CNTNAP5: variants seen among roughly 807,000 people sequenced by gnomAD.
CNTNAP5 encodes contactin associated protein family member 5, also known as contactin-associated protein-like 5.
A neutral mutation model predicts 150.2 loss-of-function variants in CNTNAP5; 72 were observed. The ratio of observed to expected loss-of-function variants is 0.48; its 90% CI spans 0.40 to 0.58. The LOEUF is 0.58. CNTNAP5 is among the 20% of genes least tolerant of loss of function. CNTNAP5 has a pLI of 0.00. For synonymous variants in CNTNAP5, 672 were observed against 619.8 expected (o/e 1.08, Z -1.25); for missense variants, 1,636 against 1,626.2 (o/e 1.01, Z -0.10).
rs1234652271 is a variant in CNTNAP5, at chr2:124,772,942, A to C, written c.2677A>C (p.Asn893His). Residue 893 changes from asparagine (N) to histidine (H), a missense_variant, in exon 17 of 24, where the codon AAC (asparagine) becomes CAC (histidine). By Grantham distance (68) the Asn-to-His change is moderately conservative (BLOSUM62 1). Transcript: ENST00000682447. ...NLKETSLQVD[N>H]LPRSTRETSE... Reference sequence around the variant, plus strand: ...CAAGGAGACCTCCCTGCAGGTGGACAACCTTCCAAGGAGCACCAGGGAGAC... The same window carrying C: ...CAAGGAGACCTCCCTGCAGGTGGACCACCTTCCAAGGAGCACCAGGGAGAC... 5.0e-6 allele frequency: 8 copies of C among 1,613,770 alleles called. No homozygotes were observed. Among genetic ancestry groups the C allele is most frequent in the South Asian group, 1.1e-5 (1 of 91,086 alleles).
Position 124,600,165 on chromosome 2 carries a change from A to T in CNTNAP5, c.1757-9636A>T, listed in dbSNP as rs1032987665. Reference sequence around the variant, plus strand: ...TGTGTGTTTAACTTTGTTTCCTTACACTCCTCATGAAGAATAGTAAATGGT... The same window carrying T: ...TGTGTGTTTAACTTTGTTTCCTTACTCTCCTCATGAAGAATAGTAAATGGT... On this transcript the variant is annotated intron_variant, in intron 11 of 23. Coordinates refer to ENST00000682447, the MANE Select transcript of CNTNAP5 (RefSeq NM_001367498.1). Among the ~76,000 whole-genome samples the T allele has an allele frequency of 9.9e-5, 15 of 151,388 alleles. No homozygotes were observed. The Admixed American group carries it at 9.9e-4, about 10-fold the overall frequency.
At chr2:124,558,427 G>GGAAGTTCGGTTTGGGTACAC (rs1161052299) in intron 10 of CNTNAP5, among the ~76,000 whole-genome samples, 4 of 136,416 alleles carry the variant, frequency 2.9e-5, no homozygotes, top group African/African-American at 1.1e-4. Context: ...GAGGAGATTG[G>GGAAGTTCGGTTTGGGTACAC]AAAGTAATAT....
At chr2:124,171,754 C>A (rs536723734) in intron 1 of CNTNAP5, among the ~76,000 whole-genome samples, 49 of 152,230 alleles carry the variant, frequency 3.2e-4, no homozygotes, top group African/African-American at 1.1e-3. Context: ...ACACACAGCT[C>A]TCTGAGGAAA....
chr2:124,505,984 C>G (rs920443377), intron 8 of CNTNAP5, among the ~76,000 whole-genome samples: 2 of 152,056 alleles, frequency 1.3e-5, no homozygotes, highest in Non-Finnish European at 1.5e-5. Context: ...GTTCTTTTAT[C>G]CAAGTAGATT....
At chr2:124,381,171 C>A (rs1233642002) in intron 3 of CNTNAP5, among the ~76,000 whole-genome samples, 2 of 152,096 alleles carry the variant, frequency 1.3e-5, no homozygotes, top group East Asian at 3.9e-4. Flanking sequence ...TGGCTGGGGG[C>A]AAGTGCACAT....
chr2:124,221,539 G>T (rs1161422426), intron 1 of CNTNAP5, among the ~76,000 whole-genome samples, 166 bp from the exon 2 acceptor site: 1 of 152,084 alleles, frequency 6.6e-6, no homozygotes. Context: ...CTTCAGGGGT[G>T]CTGTGAGGAG....
chr2:124,158,521 A>T (rs1045707300), intron 1 of CNTNAP5, among the ~76,000 whole-genome samples: 3 of 152,142 alleles, frequency 2.0e-5, no homozygotes, highest in African/African-American at 2.4e-5. Flanking sequence ...GCCTTCTGGA[A>T]ATTTGTGGAT....
intron 10 of CNTNAP5, among the ~76,000 whole-genome samples, chr2:124,537,622 A>G (rs780083064): frequency 1.6e-4 from 24 of 152,178 alleles, no homozygotes; most frequent in Non-Finnish European, 2.8e-4. Context: ...GGAACTGCCC[A>G]GAAAAAGGAC....
chr2:124,301,250 G>A (rs531396478), intron 3 of CNTNAP5, among the ~76,000 whole-genome samples: 26 of 152,114 alleles, frequency 1.7e-4, no homozygotes, highest in Admixed American at 3.9e-4. Context: ...TCCAAAAACC[G>A]GACAGCAGTG....
At chr2:124,661,089 A>G (rs1678579827) in intron 13 of CNTNAP5, among the ~76,000 whole-genome samples, 1 of 152,140 alleles carries the variant, frequency 6.6e-6, no homozygotes, top group African/African-American at 2.4e-5. Context: ...GGTCTAGGAA[A>G]TTACAAGGTG....
At chr2:124,535,877 A>C (rs1695220185) in intron 10 of CNTNAP5, among the ~76,000 whole-genome samples, 1 of 152,236 alleles carries the variant, frequency 6.6e-6, no homozygotes, top group Non-Finnish European at 1.5e-5. Context: ...TTTGGAGTAC[A>C]GTAAACACTG....
intron 3 of CNTNAP5, among the ~76,000 whole-genome samples, chr2:124,248,129 C>T (rs373671516): frequency 1.3e-5 from 2 of 152,134 alleles, no homozygotes; most frequent in African/African-American, 4.8e-5. Context: ...GAGGGAAATG[C>T]AGAGGCTTTT....
chr2:124,763,969 A>C lies in CNTNAP5; in HGVS notation c.2363-8A>C. On this transcript the variant is annotated splice_polypyrimidine_tract_variant and splice_region_variant and intron_variant, in intron 15 of 23. Transcript: ENST00000682447. ...ATAAACCATGTTGAAGGATTTTCTC[A>C]TTTGCAGGACGCTTCTGGAACGCCG... 1 of 1,608,544 alleles carries C rather than the reference A, an allele frequency of 6.2e-7. No individual in the cohort carries two copies. Among genetic ancestry groups the C allele is most frequent in the Non-Finnish European group, 8.5e-7 (1 of 1,177,226 alleles).
intron 11 of CNTNAP5, among the ~76,000 whole-genome samples, chr2:124,605,154 TACC>T (rs750778734): frequency 2.0e-5 from 3 of 152,202 alleles, no homozygotes; most frequent in Non-Finnish European, 4.4e-5. Flanking sequence ...AACTACAGCT[TACC>T]ACCACCCAGC....
intron 3 of CNTNAP5, among the ~76,000 whole-genome samples, chr2:124,313,239 A>G (rs116316846): frequency 0.045 from 6,899 of 152,328 alleles, 228 homozygotes; most frequent in Non-Finnish European, 0.071. Context: ...ATTAATCACC[A>G]GTCAGGAGTG....
intron 4 of CNTNAP5, among the ~76,000 whole-genome samples, chr2:124,421,809 C>T (rs1303457804): frequency 6.6e-6 from 1 of 152,178 alleles, no homozygotes; most frequent in African/African-American, 2.4e-5. Flanking sequence ...TATAATGTCA[C>T]CTCCTCAGAG....
chr2:124,816,127 G>A (rs144432884), intron 19 of CNTNAP5, among the ~76,000 whole-genome samples: 1 of 152,134 alleles, frequency 6.6e-6, no homozygotes, highest in Non-Finnish European at 1.5e-5. Context: ...CTGGGTTCTT[G>A]TATTAGTTTT....
At chr2:124,140,222 G>A (rs1305256772) in intron 1 of CNTNAP5, among the ~76,000 whole-genome samples, 1 of 150,278 alleles carries the variant, frequency 6.7e-6, no homozygotes, top group Non-Finnish European at 1.5e-5. Flanking sequence ...AGGGGCGCCC[G>A]CCATTGCCCA....
At chr2:124,540,561 G>T (rs1314861109) in intron 10 of CNTNAP5, among the ~76,000 whole-genome samples, 1 of 152,098 alleles carries the variant, frequency 6.6e-6, no homozygotes, top group Non-Finnish European at 1.5e-5. Flanking sequence ...ACATTTCTTT[G>T]CCTGAACATC....
Sources: allele counts gnomAD v4.1 joint callset (sites outside exome capture counted in the v4.1 genomes callset), GRCh38; gene constraint gnomAD v4.1.1; transcripts MANE v1.5; gene names NCBI Gene and HGNC (gene_info 2026-07-23, HGNC 2026-07-21).